Variants in PLCG2 observed in about 807,000 individuals in gnomAD.
The protein encoded by PLCG2 is phospholipase C gamma 2.
A neutral mutation model predicts 175.6 loss-of-function variants in PLCG2; 69 were observed. That is an observed-to-expected ratio of 0.39 (90% CI 0.32 to 0.48). The LOEUF (loss-of-function observed/expected upper bound fraction) is 0.48, where lower values mean the gene tolerates loss of function less well. Ranked by LOEUF, PLCG2 falls within the 20% of genes least tolerant of loss-of-function variation. The pLI, the probability that PLCG2 is intolerant of heterozygous loss-of-function variation, is 0.91. For missense variants in PLCG2, 1,798 were observed against 1,650.9 expected, an observed-to-expected ratio of 1.09 and a Z score of -1.54; for synonymous variants, 827 against 624.0, an observed-to-expected ratio of 1.33 and a Z score of -4.85.
At chr16:81,769,212 G>C (rs762609562) in intron 2 of PLCG2, among the ~76,000 whole-genome samples, 1 of 152,166 alleles carries the variant, frequency 6.6e-6, no homozygotes, top group African/African-American at 2.4e-5. Flanking sequence ...AATGGTTGCC[G>C]CAGGTAAAAC....
chr16:81,792,095 A>G (rs1231250351), intron 2 of PLCG2, among the ~76,000 whole-genome samples: 5 of 152,192 alleles, frequency 3.3e-5, no homozygotes, highest in Non-Finnish European at 7.3e-5. Flanking sequence ...CCAGCAGCCA[A>G]GCTCCCACAT....
chr16:81,949,474 A>G (rs969862969), intron 31 of PLCG2, among the ~76,000 whole-genome samples: 1 of 152,226 alleles, frequency 6.6e-6, no homozygotes, highest in African/African-American at 2.4e-5. Context: ...CAAAGTGGGT[A>G]GAATGTGGAC....
chr16:81,824,531 C>G (rs28380426), intron 2 of PLCG2, among the ~76,000 whole-genome samples: 6,068 of 152,294 alleles, frequency 0.04, 173 homozygotes, highest in African/African-American at 0.073. Flanking sequence ...GTGTGGCTGG[C>G]ACTTTTCGTT....
Position 81,923,536 on chromosome 16 carries a change from G to A in PLCG2, c.2359G>A (p.Glu787Lys), listed in dbSNP as rs778927156. 6.2e-7 allele frequency: 1 copy of A among 1,613,910 alleles called. No homozygotes were observed. The highest frequency in any genetic ancestry group is 1.1e-5 in the South Asian group (1 of 91,074). ...TGACTACAAAGCCAAGCGAAGCGATGAGCTGAGCTTCTGCCGTGGTGCCCT... is the reference window on the plus strand; with the variant it reads ...TGACTACAAAGCCAAGCGAAGCGATAAGCTGAGCTTCTGCCGTGGTGCCCT... ...LYDYKAKRSD[E>K]LSFCRGALIH... Residue 787 changes from glutamate to lysine, a missense_variant, in exon 22 of 33, where the codon GAG becomes AAG. By Grantham distance (56) the Glu-to-Lys change is moderately conservative (BLOSUM62 1). Coordinates refer to ENST00000564138, the MANE Select transcript of PLCG2 (RefSeq NM_002661.5).
At chr16:81,904,956 C>A (rs1597121420) in intron 14 of PLCG2, among the ~76,000 whole-genome samples, 1 of 152,196 alleles carries the variant, frequency 6.6e-6, no homozygotes, top group Non-Finnish European at 1.5e-5. Context: ...GGTGCAGTCT[C>A]AGCTCACTGC....
At chr16:81,848,331 G>C (rs995955041) in intron 2 of PLCG2, among the ~76,000 whole-genome samples, 4 of 152,198 alleles carry the variant, frequency 2.6e-5, no homozygotes, top group Non-Finnish European at 5.9e-5. Context: ...GATGAAGGCA[G>C]ATGCCTGCAG....
intron 19 of PLCG2, 59 bp downstream of exon 19, chr16:81,912,775 G>T (rs1909685382): frequency 2.7e-6 from 4 of 1,504,916 alleles, no homozygotes; most frequent in Admixed American, 4.5e-5. Flanking sequence ...GACAGATGCG[G>T]AGAGACAAGG....
At chr16:81,850,943 G>T (rs898797433) in intron 2 of PLCG2, among the ~76,000 whole-genome samples, 7 of 152,166 alleles carry the variant, frequency 4.6e-5, no homozygotes, top group African/African-American at 1.7e-4. Context: ...TCTGCAATCA[G>T]TGGGAATGGC....
At chr16:81,912,541 C>T (rs572253479) in intron 18 of PLCG2, 56 bp from the exon 19 acceptor site, 347 of 1,598,418 alleles carry the variant, frequency 2.2e-4, no homozygotes, top group Non-Finnish European at 2.8e-4. Flanking sequence ...TGCGGGTGGC[C>T]CACTGACAGC....
In PLCG2 at chr16:81,912,629, C is replaced by T; in HGVS notation, c.1967C>T (p.Ala656Val). 6.2e-7 allele frequency: 1 copy of T among 1,613,382 alleles called. No individual in the cohort carries two copies. Among genetic ancestry groups the T allele is most frequent in the East Asian group, 2.2e-5 (1 of 44,864 alleles). The change falls in exon 19 of 33, where the codon GCA (alanine) becomes GTA (valine). Residue 656 changes from alanine (A) to valine (V), a missense_variant. Coordinates refer to ENST00000564138, the MANE Select transcript of PLCG2 (RefSeq NM_002661.5). ...TATGACAGCCTGAGCCGCGGAGAGG[C>T]AGAGGACATGCTGATGAGGATTCCC... Reference protein sequence around the residue: ...WYYDSLSRGEAEDMLMRIPRD... With the variant: ...WYYDSLSRGEVEDMLMRIPRD...
At chr16:81,820,928 G>A (rs1276129592) in intron 2 of PLCG2, among the ~76,000 whole-genome samples, 1 of 150,414 alleles carries the variant, frequency 6.6e-6, no homozygotes, top group Non-Finnish European at 1.5e-5. Flanking sequence ...GCTAATTTTT[G>A]TGTTTTTAGT....
At chr16:81,822,757 A>G (rs972320572) in intron 2 of PLCG2, among the ~76,000 whole-genome samples, 26 of 136,578 alleles carry the variant, frequency 1.9e-4, no homozygotes, top group Non-Finnish European at 3.4e-4. Flanking sequence ...GCGAGACTCC[A>G]TCTCAAAAAA....
intron 5 of PLCG2, among the ~76,000 whole-genome samples, chr16:81,866,107 A>G (rs530727151): frequency 8.5e-5 from 9 of 105,608 alleles, no homozygotes; most frequent in Non-Finnish European, 1.6e-4. Context: ...GCATGAGAGG[A>G]TGCTGGTCTC....
At position 81,798,088 on chromosome 16, in the gene PLCG2, C is replaced by T. The variant is rs373290593; in HGVS notation, c.193+11906C>T. Reference sequence around the variant, plus strand: ...TCAAGTGATCTGCCTGCATTGGCCTCCCAAAGTGTTGGGATTACAGGTGTG... The same window carrying T: ...TCAAGTGATCTGCCTGCATTGGCCTTCCAAAGTGTTGGGATTACAGGTGTG... On this transcript the variant is annotated intron_variant, in intron 2 of 32. Coordinates refer to ENST00000564138, the MANE Select transcript of PLCG2 (RefSeq NM_002661.5). 9.2e-5 allele frequency among the ~76,000 whole-genome samples: 14 copies of T among 152,248 alleles called. No individual in the cohort carries two copies. The South Asian group carries it at 2.9e-3, about 32-fold the overall frequency.
upstream of PLCG2, among the ~76,000 whole-genome samples, chr16:81,778,051 A>AAAAAAAACAAAACAAACAAACAAAC (rs1597311883): frequency 1.3e-5 from 1 of 79,156 alleles, no homozygotes; most frequent in Non-Finnish European, 2.4e-5. Context: ...AACAAAAAAA[A>AAAAAAAACAAAACAAACAAACAAAC]AAACAAAAAA....
rs1905764526 is a variant in PLCG2, at chr16:81,840,491, G to T, written c.194-13953G>T. Among the ~76,000 whole-genome samples, 5 of 152,314 alleles carry T rather than the reference G, an allele frequency of 3.3e-5. No homozygotes were observed. In the South Asian group the frequency reaches 1.0e-3, roughly 32 times the overall value. ...TACAACTCACCGTAATATAGAATCA[G>T]TGGGAGACCTGAGCTTGTTTTCCTG... On this transcript the variant is annotated intron_variant, in intron 2 of 32. Coordinates refer to ENST00000564138, the MANE Select transcript of PLCG2 (RefSeq NM_002661.5).
At chr16:81,891,240 T>A (rs897120281) in intron 10 of PLCG2, among the ~76,000 whole-genome samples, 1 of 152,156 alleles carries the variant, frequency 6.6e-6, no homozygotes, top group African/African-American at 2.4e-5. Flanking sequence ...TATTTTAGGA[T>A]AAACATTACA....
At chr16:81,783,413 G>T (rs1019947602) in intron 1 of PLCG2, among the ~76,000 whole-genome samples, 8 of 152,104 alleles carry the variant, frequency 5.3e-5, no homozygotes, top group African/African-American at 1.7e-4. Flanking sequence ...CCATTAACTC[G>T]TTTTGCTACT....
At chr16:81,939,825 C>T (rs772591043) in intron 29 of PLCG2, 67 bp from the exon 30 acceptor site, 193 of 1,036,146 alleles carry the variant, frequency 1.9e-4, no homozygotes, top group African/African-American at 7.7e-4. Context: ...CTGAAGGATG[C>T]GGAGATTGTC....
Sources: allele counts gnomAD v4.1 joint callset (sites outside exome capture counted in the v4.1 genomes callset), GRCh38; gene constraint gnomAD v4.1.1; transcripts MANE v1.5; gene names NCBI Gene and HGNC (gene_info 2026-07-23, HGNC 2026-07-21).